Variants in CD83 observed in about 807,000 individuals in gnomAD.
CD83 encodes CD83 molecule, also known as CD83 antigen.
CD83 carries 22 observed loss-of-function variants against 24.6 expected under a neutral mutation model. The observed-to-expected ratio is 0.90, with a 90% CI of 0.64 to 1.28. CD83 has a LOEUF of 1.28. Among genes scored for constraint, CD83 ranks in the 50% most tolerant of loss-of-function variants. The pLI, the probability that CD83 is intolerant of heterozygous loss-of-function variation, is 0.00. For missense variants in CD83, 253 were observed against 252.8 expected (o/e 1.00, Z -0.01); for synonymous variants, 101 against 103.5 (o/e 0.98, Z 0.14).
chr6:14,121,879 C>T (rs1759678909), intron 2 of CD83, among the ~76,000 whole-genome samples: 1 of 152,066 alleles, frequency 6.6e-6, no homozygotes, highest in South Asian at 2.1e-4. Context: ...GAGAGGATGA[C>T]TTTGGTTGGA....
intron 2 of CD83, among the ~76,000 whole-genome samples, chr6:14,124,443 A>G (rs547185502): frequency 6.6e-6 from 1 of 152,372 alleles, no homozygotes; most frequent in Admixed American, 6.5e-5. Context: ...GCTGGTTTCC[A>G]TAAACAGTTC....
At chr6:14,134,982 G>A in intron 4 of CD83, 126 bp from the exon 5 acceptor site, 1 of 834,954 alleles carries the variant, frequency 1.2e-6, no homozygotes, top group Non-Finnish European at 1.9e-6. Flanking sequence ...AGCGAGTGAG[G>A]CAGTGAGTAT....
intron 2 of CD83, among the ~76,000 whole-genome samples, chr6:14,119,138 T>C (rs1759613871): frequency 6.6e-6 from 1 of 152,250 alleles, no homozygotes; most frequent in African/African-American, 2.4e-5. Context: ...AGTGGCTGTA[T>C]CCATACTTCT....
At position 14,119,998 on chromosome 6, in the gene CD83, T is replaced by C. The variant is rs573614813; in HGVS notation, c.153+1933T>C. Among the ~76,000 whole-genome samples the C allele has an allele frequency of 1.5e-3, 227 of 152,348 alleles. 1 individual carries two copies. The highest frequency in any genetic ancestry group is 5.0e-3 in the African/African-American group (208 of 41,590). The stretch of plus-strand genomic sequence containing the variant: ...ACTCGGTAACGCATGAGCTTGTTTA[T>C]TGGACAGAATTCTTGCGAGATTTAC... On this transcript the variant is annotated intron_variant, in intron 2 of 4. Coordinates refer to ENST00000379153, the MANE Select transcript of CD83 (RefSeq NM_004233.4).
At position 14,117,791 on chromosome 6, in the gene CD83, C is replaced by T; in HGVS notation, c.-21C>T. ...CGCGCCACAGCTCTGCAGCTCGTGG[C>T]AGCGGCGCAGCGCTCCAGCCATGTC... is the stretch of plus-strand genomic sequence containing the variant. On this transcript the variant is annotated 5_prime_UTR_variant, in exon 1 of 5. Coordinates refer to ENST00000379153, the MANE Select transcript of CD83 (RefSeq NM_004233.4). This position sits in a 1 kb window ranked among gnomAD's most constrained non-coding sequence, Gnocchi z 4.6. 1 of 1,497,602 alleles carries T rather than the reference C, an allele frequency of 6.7e-7. No individual in the cohort carries two copies. The highest frequency in any genetic ancestry group is 8.9e-7 in the Non-Finnish European group (1 of 1,126,282). The allele number at this position is 1,497,602 out of a possible 1,614,324, so 92.8% of individuals were successfully genotyped here.
At position 14,129,970 on chromosome 6, in the gene CD83, C is replaced by A. The variant is rs1759909290; in HGVS notation, c.154-1550C>A. 6.6e-6 allele frequency among the ~76,000 whole-genome samples: 1 copy of A among 152,018 alleles called. No individual in the cohort carries two copies. Among genetic ancestry groups the A allele is most frequent in the East Asian group, 1.9e-4 (1 of 5,178 alleles). The stretch of plus-strand genomic sequence containing the variant: ...TCTCTTTCCCTACACTGAGTTCCTT[C>A]CTAAAAGTCAGAGAAGAGTTGTAGG... On this transcript the variant is annotated intron_variant, in intron 2 of 4. Transcript: ENST00000379153. The surrounding 1 kb of genome is among the most constrained non-coding windows in gnomAD (Gnocchi z 4.3).
In CD83 at chr6:14,131,722, G is replaced by A; in HGVS notation, c.356G>A (p.Ser119Asn). 1 of 1,613,916 alleles carries A rather than the reference G, an allele frequency of 6.2e-7. No individual in the cohort carries two copies. The highest frequency in any genetic ancestry group is 8.5e-7 in the Non-Finnish European group (1 of 1,179,768). ...GACCCGGATGGGCAGAGAAACCTAA[G>A]TGGCAAGGTGATCTTGAGAGTGACA... is the stretch of plus-strand genomic sequence containing the variant. ...LQDPDGQRNL[S>N]GKVILRVTGC... The change falls in exon 3 of 5, where the codon AGT (serine) becomes AAT (asparagine). Residue 119 changes from serine to asparagine, a missense_variant. By Grantham distance (46) the Ser-to-Asn change is conservative. Coordinates refer to ENST00000379153, the MANE Select transcript of CD83 (RefSeq NM_004233.4).
chr6:14,135,302 G>C lies in CD83; in HGVS notation c.*66G>C. ...AGGGGTGTGCCTGTCTGTTACACTGGAGGAGAGAAGAATGAGCCTACGCTG... is the reference window on the plus strand; with the variant it reads ...AGGGGTGTGCCTGTCTGTTACACTGCAGGAGAGAAGAATGAGCCTACGCTG... On this transcript the variant is annotated 3_prime_UTR_variant, in exon 5 of 5. Coordinates refer to ENST00000379153, the MANE Select transcript of CD83 (RefSeq NM_004233.4). The C allele has an allele frequency of 6.5e-7, 1 of 1,540,924 alleles. No homozygotes were observed. The highest frequency in any genetic ancestry group is 8.9e-7 in the Non-Finnish European group (1 of 1,129,812).
rs556368943 is a variant in CD83 at position 14,134,097 on chromosome 6, C to T, written c.489+342C>T. On this transcript the variant is annotated intron_variant, in intron 4 of 4. Transcript: ENST00000379153. ...GCGCTGAGGGTCCCCCATCCCAGAG[C>T]AGAGGCCCCGCTCTTCCTGTGGGTG... 3.3e-5 allele frequency among the ~76,000 whole-genome samples: 5 copies of T among 152,368 alleles called. No homozygotes were observed. In the South Asian group the frequency reaches 1.0e-3, roughly 32 times the overall value.
At chr6:14,118,162 G>A in intron 2 of CD83, 97 bp downstream of exon 2, 2 of 840,116 alleles carry the variant, frequency 2.4e-6, no homozygotes, top group Non-Finnish European at 3.6e-6. Flanking sequence ...GTGGCTGCCA[G>A]GTGGGGGCGA....
chr6:14,118,280 C>T (rs1759590307), intron 2 of CD83, among the ~76,000 whole-genome samples: 3 of 152,268 alleles, frequency 2.0e-5, no homozygotes, highest in East Asian at 1.9e-4. Context: ...CTCCGCAGAC[C>T]TCAATCCCCT....
At chr6:14,128,598 C>G (rs1759877291) in intron 2 of CD83, among the ~76,000 whole-genome samples, 2 of 152,254 alleles carry the variant, frequency 1.3e-5, no homozygotes, top group Middle Eastern at 6.8e-3. Flanking sequence ...GCGGATAGTT[C>G]TCTGGGTCAT....
chr6:14,130,259 T>C (rs1002449665), intron 2 of CD83, among the ~76,000 whole-genome samples: 1 of 152,236 alleles, frequency 6.6e-6, no homozygotes, highest in African/African-American at 2.4e-5. Flanking sequence ...ACTGCATGTG[T>C]ACATTCATTT....
intron 2 of CD83, among the ~76,000 whole-genome samples, chr6:14,120,063 C>T (rs565180695): frequency 6.6e-6 from 1 of 152,200 alleles, no homozygotes; most frequent in Non-Finnish European, 1.5e-5. Context: ...AAAAAAGGGA[C>T]AGCAGTCTCT....
intron 2 of CD83, among the ~76,000 whole-genome samples, chr6:14,127,452 A>T (rs533800342): frequency 1.3e-5 from 2 of 152,170 alleles, no homozygotes; most frequent in African/African-American, 4.8e-5. Context: ...TTAAAAAAAA[A>T]CACTTTCCAC....
chr6:14,118,953 CG>C (rs1759608238), intron 2 of CD83, among the ~76,000 whole-genome samples: 1 of 152,214 alleles, frequency 6.6e-6, no homozygotes, highest in Non-Finnish European at 1.5e-5. Flanking sequence ...TGTCTTACCA[CG>C]GGGGCAAATC....
At chr6:14,134,455 C>T (rs1757996475) in intron 4 of CD83, among the ~76,000 whole-genome samples, 1 of 152,142 alleles carries the variant, frequency 6.6e-6, no homozygotes, top group Non-Finnish European at 1.5e-5. Flanking sequence ...TCTGACCCCT[C>T]TAGGAAGTGA....
Position 14,135,374 on chromosome 6 carries a change from A to AGG in CD83, c.*141_*142dup, listed in dbSNP as rs1758025627. The AGG allele has an allele frequency of 1.1e-6, 1 of 934,176 alleles. No homozygotes were observed. The allele number at this position is 934,176 out of a possible 1,614,324, so 57.9% of individuals were successfully genotyped here. Reference sequence around the variant, plus strand: ...CTTCACCTCACTGAAAACATCTGGAAGGGGATCCCACCCCATTTTCTGTGG... The same window carrying AGG: ...CTTCACCTCACTGAAAACATCTGGAAGGGGGGATCCCACCCCATTTTCTGTGG... On this transcript the variant is annotated 3_prime_UTR_variant, in exon 5 of 5. Coordinates refer to ENST00000379153, the MANE Select transcript of CD83 (RefSeq NM_004233.4).
At chr6:14,134,772 TAAG>T (rs965871370) in intron 4 of CD83, among the ~76,000 whole-genome samples, 1 of 152,238 alleles carries the variant, frequency 6.6e-6, no homozygotes, top group Non-Finnish European at 1.5e-5. Context: ...TATTTGCGTA[TAAG>T]AAGATAATTA....
Sources: gnomAD v4.1 joint callset for allele counts (sites outside exome capture counted in the v4.1 genomes callset) on GRCh38, gnomAD v4.1.1 for gene constraint, Gnocchi (gnomAD v3.1) non-coding constraint, MANE v1.5 for transcripts, NCBI Gene and HGNC (gene_info 2026-07-23, HGNC 2026-07-21) for gene names.